Variants in NEMP2 observed in about 807,000 individuals in gnomAD.
The protein encoded by NEMP2 is UPF0571 transmembrane protein.
In NEMP2, 53 loss-of-function variants were observed where a neutral mutation model predicts 54.2. The observed-to-expected ratio is 0.98, with a 90% CI of 0.78 to 1.23. NEMP2 has a LOEUF of 1.23. NEMP2 is among the 50% of genes most tolerant of loss of function. The pLI is 0.00. For synonymous variants in NEMP2, 197 were observed against 190.3 expected (o/e 1.04, Z -0.29); for missense variants, 455 against 511.3 (o/e 0.89, Z 1.06).
rs561929145 is a variant in NEMP2, at chr2:190,533,740, C to T, written c.97+819G>A. Among the ~76,000 whole-genome samples the T allele has an allele frequency of 6.6e-6, 1 of 151,596 alleles. No homozygotes were observed. Among genetic ancestry groups the T allele is most frequent in the South Asian group, 2.1e-4 (1 of 4,802 alleles). On this transcript the variant is annotated intron_variant, in intron 1 of 8. Transcript: ENST00000409150. The surrounding 1 kb of genome is among the most constrained non-coding windows in gnomAD (Gnocchi z 4.3). ...AAGGAAGGGAAGTTGGTAGACAGTGCACCCAGGAAATCTTTTAAAAGATTT... is the reference window on the plus strand; with the variant it reads ...AAGGAAGGGAAGTTGGTAGACAGTGTACCCAGGAAATCTTTTAAAAGATTT...
chr2:190,462,109 T>G, the NEMP2 span, among the ~76,000 whole-genome samples: 1 of 152,178 alleles, frequency 6.6e-6, no homozygotes, highest in African/African-American at 2.4e-5. This position sits in a 1 kb window ranked among gnomAD's most constrained non-coding sequence, Gnocchi z 5.7. Flanking sequence ...TTGTTCGTGA[T>G]TTGCTGTCTG....
chr2:190,484,285 G>T, the NEMP2 span, among the ~76,000 whole-genome samples: 5 of 152,252 alleles, frequency 3.3e-5, no homozygotes, highest in East Asian at 7.7e-4. Context: ...ACTTAAAAAG[G>T]TTTAAAAATT....
upstream of NEMP2, chr2:190,535,843 C>G (rs572095075): frequency 1.2e-4 from 17 of 146,278 alleles, no homozygotes; most frequent in East Asian, 2.3e-3. Flanking sequence ...TTCAGAGAAA[C>G]AGCAGAGCCC....
the NEMP2 span, among the ~76,000 whole-genome samples, chr2:190,453,505 A>T: frequency 1.3e-5 from 2 of 152,110 alleles, no homozygotes; most frequent in Non-Finnish European, 2.9e-5. Context: ...CATTTTGGGA[A>T]CTCTTCATCA....
chr2:190,478,322 T>C, the NEMP2 span, among the ~76,000 whole-genome samples: 1 of 152,166 alleles, frequency 6.6e-6, no homozygotes, highest in Non-Finnish European at 1.5e-5. Flanking sequence ...TTGTTTCTAA[T>C]GCTGGAGGAG....
rs1690338784 is a variant in NEMP2, at chr2:190,510,864, G to A, written c.954-327C>T. 6.7e-6 allele frequency among the ~76,000 whole-genome samples: 1 copy of A among 149,046 alleles called. No homozygotes were observed. Among genetic ancestry groups the A allele is most frequent in the South Asian group, 2.1e-4 (1 of 4,726 alleles). On this transcript the variant is annotated intron_variant, in intron 7 of 8. Transcript: ENST00000409150. This position sits in a 1 kb window ranked among gnomAD's most constrained non-coding sequence, Gnocchi z 5.7. ...CCACTGCACTCCAGCCTGGGCGACA[G>A]AGGGAGACTCCGTCTCAAAAAAAAA... is the stretch of plus-strand genomic sequence containing the variant.
the NEMP2 span, among the ~76,000 whole-genome samples, chr2:190,568,682 C>G: frequency 6.6e-6 from 1 of 151,960 alleles, no homozygotes; most frequent in Non-Finnish European, 1.5e-5. The surrounding 1 kb of genome is among the most constrained non-coding windows in gnomAD (Gnocchi z 4.7). Context: ...ATTAGCTGGG[C>G]GTGGTGGCGC....
At chr2:190,464,852 T>C in the NEMP2 span, 1 of 925,122 alleles carries the variant, frequency 1.1e-6, no homozygotes, top group Non-Finnish European at 1.3e-6. Flanking sequence ...AGTGGCATCT[T>C]AATAAATGTT....
chr2:190,643,340 AG>A, the NEMP2 span, among the ~76,000 whole-genome samples: 1 of 152,160 alleles, frequency 6.6e-6, no homozygotes, highest in African/African-American at 2.4e-5. Context: ...GTGATCTTCA[AG>A]GAAGTTAAAC....
chr2:190,569,851 C>CT, the NEMP2 span, among the ~76,000 whole-genome samples: 1 of 152,204 alleles, frequency 6.6e-6, no homozygotes, highest in African/African-American at 2.4e-5. Context: ...ACTCACATGA[C>CT]TTTTCTCAAG....
chr2:190,478,004 A>G, the NEMP2 span, among the ~76,000 whole-genome samples: 1 of 152,180 alleles, frequency 6.6e-6, no homozygotes, highest in Admixed American at 6.5e-5. Flanking sequence ...TTCAGGGAGC[A>G]TAAGTGGTGT....
the NEMP2 span, among the ~76,000 whole-genome samples, chr2:190,640,065 TAG>T: frequency 6.6e-6 from 1 of 152,230 alleles, no homozygotes; most frequent in African/African-American, 2.4e-5. Flanking sequence ...TTTATTTAGG[TAG>T]AGAGATTACA....
chr2:190,606,548 C>G, the NEMP2 span, among the ~76,000 whole-genome samples: 1 of 152,108 alleles, frequency 6.6e-6, no homozygotes, highest in Non-Finnish European at 1.5e-5. Flanking sequence ...CCCGTCTCTA[C>G]TAAAAATACA....
chr2:190,489,869 A>G, the NEMP2 span: 17 of 1,612,286 alleles, frequency 1.1e-5, no homozygotes, highest in Non-Finnish European at 1.4e-5. The surrounding 1 kb of genome is among the most constrained non-coding windows in gnomAD (Gnocchi z 6.6). Context: ...GGAAGAAGGT[A>G]ATTATTTCCA....
the NEMP2 span, among the ~76,000 whole-genome samples, chr2:190,430,009 C>A: frequency 6.6e-5 from 10 of 150,904 alleles, no homozygotes; most frequent in Non-Finnish European, 1.0e-4. Context: ...TCCCCACCCC[C>A]CAACAGGCCC....
At chr2:190,547,514 A>C in the NEMP2 span, among the ~76,000 whole-genome samples, 2 of 152,108 alleles carry the variant, frequency 1.3e-5, no homozygotes, top group Non-Finnish European at 2.9e-5. This position sits in a 1 kb window ranked among gnomAD's most constrained non-coding sequence, Gnocchi z 6.2. Flanking sequence ...AAATAGCAAA[A>C]TTGCAAATAC....
chr2:190,627,465 T>G, the NEMP2 span, among the ~76,000 whole-genome samples: 1 of 152,248 alleles, frequency 6.6e-6, no homozygotes. This position sits in a 1 kb window ranked among gnomAD's most constrained non-coding sequence, Gnocchi z 4.4. Context: ...CTATAAGTGT[T>G]CAAATGTTTC....
At chr2:190,537,018 G>GA (rs933996240), upstream of NEMP2, among the ~76,000 whole-genome samples, 2 of 152,062 alleles carry the variant, frequency 1.3e-5, no homozygotes, top group East Asian at 1.9e-4. Flanking sequence ...GCAGAGAGGA[G>GA]AAAAAATCAA....
the NEMP2 span, among the ~76,000 whole-genome samples, chr2:190,489,131 A>G: frequency 1.3e-5 from 2 of 152,238 alleles, no homozygotes; most frequent in Non-Finnish European, 2.9e-5. The surrounding 1 kb of genome is among the most constrained non-coding windows in gnomAD (Gnocchi z 6.6). Context: ...AAGGTACCTT[A>G]AACCTGCTGA....
Sources: allele counts gnomAD v4.1 joint callset (sites outside exome capture counted in the v4.1 genomes callset), GRCh38; gene constraint gnomAD v4.1.1; non-coding constraint Gnocchi (gnomAD v3.1); transcripts MANE v1.5; gene names NCBI Gene and HGNC (gene_info 2026-07-23, HGNC 2026-07-21).